EPB41L4B: variants seen among roughly 807,000 people sequenced by gnomAD.
EPB41L4B encodes the protein erythrocyte membrane protein band 4.1 like 4B, also known as band 4.1-like protein 4B.
A neutral mutation model predicts 112.5 loss-of-function variants in EPB41L4B; 30 were observed. The ratio of observed to expected loss-of-function variants is 0.27; its 90% CI spans 0.20 to 0.36. The LOEUF is 0.36. Among genes scored for constraint, EPB41L4B ranks in the 10% least tolerant of loss-of-function variants. EPB41L4B has a pLI of 1.00. For synonymous variants in EPB41L4B, 408 were observed against 439.7 expected (o/e 0.93, Z 0.90); for missense variants, 1,024 against 1,133.3 (o/e 0.90, Z 1.38).
At chr9:109,300,318 A>G (rs896304513) in intron 1 of EPB41L4B, 1 of 152,116 alleles carries the variant, frequency 6.6e-6, no homozygotes, top group Non-Finnish European at 1.5e-5. Flanking sequence ...AGCACTATCC[A>G]TCTCAGTGGG....
intron 1 of EPB41L4B, among the ~76,000 whole-genome samples, chr9:109,309,984 G>A (rs1190726295): frequency 1.3e-5 from 2 of 152,132 alleles, no homozygotes; most frequent in African/African-American, 4.8e-5. Context: ...ATTATAAAGG[G>A]CCCCGCCCAC....
chr9:109,281,705 TAAATAAATAAATA>T (rs1564317092), intron 1 of EPB41L4B, among the ~76,000 whole-genome samples: 56 of 121,980 alleles, frequency 4.6e-4, no homozygotes, highest in African/African-American at 1.8e-3. Flanking sequence ...AATAAATAAA[TAAATAAATAAATA>T]AATAAATTAA....
intron 15 of EPB41L4B, among the ~76,000 whole-genome samples, chr9:109,226,364 T>A (rs946315570): frequency 2.0e-5 from 3 of 152,066 alleles, no homozygotes; most frequent in African/African-American, 7.2e-5. Context: ...CCTGCTACCT[T>A]AGCTCCTGGG....
At chr9:109,207,346 GA>G (rs1239520001) in intron 18 of EPB41L4B, among the ~76,000 whole-genome samples, 1 of 152,140 alleles carries the variant, frequency 6.6e-6, no homozygotes, top group Non-Finnish European at 1.5e-5. Context: ...GAGGCGCGAG[GA>G]TTGCTTGAGT....
chr9:109,259,066 GA>G (rs1835098193), intron 6 of EPB41L4B, among the ~76,000 whole-genome samples: 1 of 152,064 alleles, frequency 6.6e-6, no homozygotes, highest in African/African-American at 2.4e-5. Context: ...ACCCCAGAAT[GA>G]AAAGGAATCC....
chr9:109,247,057 A>G (rs1035790870), intron 14 of EPB41L4B, among the ~76,000 whole-genome samples: 3 of 151,858 alleles, frequency 2.0e-5, no homozygotes, highest in Non-Finnish European at 4.4e-5. Context: ...GTGCAGTGGT[A>G]TTCATGATAA....
intron 17 of EPB41L4B, among the ~76,000 whole-genome samples, chr9:109,210,722 T>C (rs1228756109): frequency 6.6e-6 from 1 of 152,240 alleles, no homozygotes; most frequent in Non-Finnish European, 1.5e-5. Flanking sequence ...GTATAAAAGA[T>C]ATCTCTGTGG....
At chr9:109,294,816 GT>G (rs1836674085) in intron 1 of EPB41L4B, among the ~76,000 whole-genome samples, 1 of 151,968 alleles carries the variant, frequency 6.6e-6, no homozygotes, top group Admixed American at 6.6e-5. Flanking sequence ...GTACATGAGA[GT>G]TTCACCACAC....
chr9:109,250,219 G>A (rs1225064724), intron 13 of EPB41L4B, among the ~76,000 whole-genome samples: 1 of 152,180 alleles, frequency 6.6e-6, no homozygotes, highest in Non-Finnish European at 1.5e-5. Flanking sequence ...AGAAAACGGA[G>A]GCCCAGAAGT....
chr9:109,223,299 GGTGGCACATAC>G (rs1833655122), intron 15 of EPB41L4B, among the ~76,000 whole-genome samples: 1 of 152,072 alleles, frequency 6.6e-6, no homozygotes. Context: ...AACCCGGTAT[GGTGGCACATAC>G]TGTGGTCCTA....
intron 1 of EPB41L4B, 125 bp downstream of exon 1, chr9:109,320,011 GGAGAA>G: frequency 1.3e-6 from 1 of 751,220 alleles, no homozygotes; most frequent in Non-Finnish European, 1.8e-6. Flanking sequence ...AGGAGTGCTC[GGAGAA>G]GAGGATGGGG....
intron 20 of EPB41L4B, chr9:109,196,171 TATAA>T (rs998128023): frequency 3.3e-5 from 5 of 151,006 alleles, no homozygotes; most frequent in Admixed American, 3.3e-4. Flanking sequence ...TTAATTAACT[TATAA>T]ATATTTTATT....
At chr9:109,305,910 C>A (rs778817000) in intron 1 of EPB41L4B, among the ~76,000 whole-genome samples, 3 of 151,578 alleles carry the variant, frequency 2.0e-5, no homozygotes, top group Non-Finnish European at 2.9e-5. Flanking sequence ...GGTGGCAGAG[C>A]GAGACTCTGT....
chr9:109,320,329 C>A lies in EPB41L4B; in HGVS notation c.118G>T (p.Gly40Cys). Residue 40 changes from glycine to cysteine, a missense_variant, in exon 1 of 26, where the codon GGC becomes TGC. Physicochemically the swap from Gly to Cys is radical, Grantham distance 159 (BLOSUM62 -3). Transcript: ENST00000374566. ...GAGGAGGAGGCGGCGGCGGCCGGGC[C>A]CCCCCGTGGCCCCCCATCGCGCTCG... ...GDERDGGPRG[G>C]PAAAASSSAL... 3 of 988,920 alleles carry A rather than the reference C, an allele frequency of 3.0e-6. No homozygotes were observed. Among genetic ancestry groups the A allele is most frequent in the Non-Finnish European group, 3.6e-6 (3 of 833,492 alleles). 61.3% of individuals were successfully genotyped at this position (988,920 alleles called of 1,614,324 possible).
chr9:109,202,644 A>C (rs1026155887), intron 19 of EPB41L4B, among the ~76,000 whole-genome samples: 5 of 152,184 alleles, frequency 3.3e-5, no homozygotes, highest in African/African-American at 1.2e-4. Flanking sequence ...GTTCTCTGTG[A>C]GATCAGGGGA....
At chr9:109,207,563 C>A (rs1833027339) in intron 18 of EPB41L4B, among the ~76,000 whole-genome samples, 2 of 150,940 alleles carry the variant, frequency 1.3e-5, no homozygotes, top group South Asian at 4.2e-4. Context: ...CAGAGTGAGA[C>A]AAGAAAGAAA....
chr9:109,311,834 A>G (rs921397870), intron 1 of EPB41L4B, among the ~76,000 whole-genome samples: 4 of 152,200 alleles, frequency 2.6e-5, no homozygotes, highest in African/African-American at 7.2e-5. Context: ...TCCCATACTT[A>G]CCAGCAGAGT....
intron 21 of EPB41L4B, among the ~76,000 whole-genome samples, chr9:109,193,541 C>G (rs1407556581): frequency 6.6e-6 from 1 of 152,212 alleles, no homozygotes; most frequent in South Asian, 2.1e-4. Flanking sequence ...TCCGGTCTTG[C>G]CTTCAGGGCA....
chr9:109,274,679 T>C (rs1835747687), intron 2 of EPB41L4B, among the ~76,000 whole-genome samples: 1 of 152,146 alleles, frequency 6.6e-6, no homozygotes, highest in African/African-American at 2.4e-5. Flanking sequence ...ATGAACCAAG[T>C]GCATATTCAA....
Sources: allele counts gnomAD v4.1 joint callset (sites outside exome capture counted in the v4.1 genomes callset), GRCh38; gene constraint gnomAD v4.1.1; transcripts MANE v1.5; gene names NCBI Gene and HGNC (gene_info 2026-07-23, HGNC 2026-07-21).